The following DNAI2 variants were observed in gnomAD, a reference collection of about 807,000 sequenced individuals.
DNAI2 encodes dynein, axonemal, intermediate polypeptide 2.
DNAI2 carries 63 observed loss-of-function variants against 74.7 expected under a neutral mutation model. That is an observed-to-expected ratio of 0.84 (90% CI 0.69 to 1.04). The LOEUF is 1.04. DNAI2 is among the 50% of genes least tolerant of loss of function. DNAI2 has a pLI of 0.00. For synonymous variants in DNAI2, 289 were observed against 314.9 expected, an observed-to-expected ratio of 0.92 and a Z score of 0.87; for missense variants, 688 against 803.2, an observed-to-expected ratio of 0.86 and a Z score of 1.73.
Position 74,284,997 on chromosome 17 carries a change from G to T in DNAI2, c.184-43G>T, listed in dbSNP as rs750326519. ...TGCAGAAGTGGCCGAGGGTTTGGGA[G>T]TATACCAGGGTGACGTCTTCCCTCC... is the stretch of plus-strand genomic sequence containing the variant. On this transcript the variant is annotated intron_variant, in intron 2 of 13. Coordinates refer to ENST00000311014, the MANE Select transcript of DNAI2 (RefSeq NM_023036.6). The T allele has an allele frequency of 9.9e-6, 16 of 1,613,250 alleles. No homozygotes were observed. The Admixed American group carries it at 2.7e-4, about 27-fold the overall frequency.
At chr17:74,278,773 C>CA (rs1292874206) in intron 1 of DNAI2, among the ~76,000 whole-genome samples, 6 of 146,938 alleles carry the variant, frequency 4.1e-5, no homozygotes, top group Admixed American at 6.8e-5. Flanking sequence ...GATTCCATCT[C>CA]AAAAAAAAAG....
chr17:74,303,785 A>G (rs2053001349), intron 8 of DNAI2, among the ~76,000 whole-genome samples: 2 of 152,094 alleles, frequency 1.3e-5, no homozygotes, highest in Non-Finnish European at 2.9e-5. Flanking sequence ...TTCTGGTAGA[A>G]GAAAACTGCA....
At chr17:74,307,699 A>AT (rs148187994) in intron 9 of DNAI2, among the ~76,000 whole-genome samples, 5 of 151,000 alleles carry the variant, frequency 3.3e-5, no homozygotes, top group African/African-American at 1.2e-4. Flanking sequence ...TTAAATCTGA[A>AT]TTTTAAAAAA....
chr17:74,311,144 G>A (rs2060937003), intron 11 of DNAI2, among the ~76,000 whole-genome samples: 1 of 152,190 alleles, frequency 6.6e-6, no homozygotes, highest in African/African-American at 2.4e-5. Flanking sequence ...AAACTGCTGG[G>A]ATTATAGGCA....
Position 74,305,270 on chromosome 17 carries a change from C to G in DNAI2, c.1039C>G (p.Arg347Gly), listed in dbSNP as rs774602317. The stretch of plus-strand genomic sequence containing the variant: ...GCAGGGCATCGTCATCTCCTGCAAC[C>G]GCAAGGCCAAGACGTCAGCTGAAAA... ...TEQGIVISCN[R>G]KAKTSAEKIV... Residue 347 changes from arginine to glycine, a missense_variant, in exon 9 of 14, where the codon CGC becomes GGC. Arg to Gly is a moderately radical substitution (Grantham distance 125). Coordinates refer to ENST00000311014, the MANE Select transcript of DNAI2 (RefSeq NM_023036.6). The G allele has an allele frequency of 6.2e-7, 1 of 1,614,220 alleles. No individual in the cohort carries two copies. Among genetic ancestry groups the G allele is most frequent in the South Asian group, 1.1e-5 (1 of 91,076 alleles).
intron 1 of DNAI2, among the ~76,000 whole-genome samples, chr17:74,277,848 C>CA (rs1303066358): frequency 1.3e-5 from 2 of 152,214 alleles, no homozygotes; most frequent in Non-Finnish European, 2.9e-5. Flanking sequence ...GTTTCAGAAA[C>CA]GCTGGTTGAG....
chr17:74,313,613 A>G (rs553472139), intron 12 of DNAI2, among the ~76,000 whole-genome samples: 1 of 152,322 alleles, frequency 6.6e-6, no homozygotes, highest in Admixed American at 6.5e-5. Context: ...TACATGAAGA[A>G]GTTGAGCCTT....
At chr17:74,282,804 C>T (rs1431866246) in intron 2 of DNAI2, among the ~76,000 whole-genome samples, 1 of 152,248 alleles carries the variant, frequency 6.6e-6, no homozygotes, top group African/African-American at 2.4e-5. Flanking sequence ...AGGTCAACAA[C>T]TGCTGAGATA....
intron 4 of DNAI2, 140 bp downstream of exon 4, chr17:74,287,238 A>G: frequency 7.3e-7 from 1 of 1,369,566 alleles, no homozygotes; most frequent in East Asian, 2.5e-5. Context: ...TGACGTGGTG[A>G]TAAGTCACCC....
chr17:74,297,157 C>T (rs1398343394), intron 6 of DNAI2, among the ~76,000 whole-genome samples: 1 of 152,156 alleles, frequency 6.6e-6, no homozygotes, highest in East Asian at 1.9e-4. Context: ...ACGATCTTGG[C>T]TCACTGCAAG....
At chr17:74,286,295 CAA>C (rs2051723710) in intron 3 of DNAI2, among the ~76,000 whole-genome samples, 1 of 50,068 alleles carries the variant, frequency 2.0e-5, no homozygotes, top group Admixed American at 2.3e-4. Flanking sequence ...GACTGTGTCT[CAA>C]AATAATAATA....
intron 1 of DNAI2, among the ~76,000 whole-genome samples, chr17:74,277,085 C>G (rs1309159971): frequency 6.6e-6 from 1 of 152,136 alleles, no homozygotes; most frequent in African/African-American, 2.4e-5. Flanking sequence ...TTCCAAACTA[C>G]AAGAAAGAGA....
intron 9 of DNAI2, among the ~76,000 whole-genome samples, chr17:74,308,646 C>T (rs1354378668): frequency 2.0e-5 from 3 of 152,272 alleles, no homozygotes; most frequent in South Asian, 2.1e-4. Flanking sequence ...CTCAGCCTCC[C>T]GAGGAGCTGG....
chr17:74,287,718 G>T (rs781259491), intron 4 of DNAI2, among the ~76,000 whole-genome samples: 2 of 152,234 alleles, frequency 1.3e-5, no homozygotes, highest in Non-Finnish European at 2.9e-5. Context: ...ACTTTGGGAG[G>T]CCAAGGCGGG....
intron 4 of DNAI2, among the ~76,000 whole-genome samples, chr17:74,287,845 C>T (rs28612762): frequency 0.11 from 17,484 of 152,086 alleles, 1,873 homozygotes; most frequent in African/African-American, 0.29. Context: ...ATCCCAGCTA[C>T]TCGGGATGCT....
At chr17:74,280,014 A>G (rs1312921254) in intron 1 of DNAI2, among the ~76,000 whole-genome samples, 1 of 152,278 alleles carries the variant, frequency 6.6e-6, no homozygotes, top group South Asian at 2.1e-4. Context: ...CAAAGGCACA[A>G]TTTCTGAAAG....
chr17:74,279,705 T>C (rs1425807698), intron 1 of DNAI2, among the ~76,000 whole-genome samples: 2 of 152,154 alleles, frequency 1.3e-5, no homozygotes, highest in African/African-American at 4.8e-5. Flanking sequence ...TTTTTGGTAT[T>C]TTTAGTAGAG....
In DNAI2 at chr17:74,314,061, G is replaced by A; in HGVS notation, c.1723-60G>A. On this transcript the variant is annotated intron_variant, in intron 12 of 13. Coordinates refer to ENST00000311014, the MANE Select transcript of DNAI2 (RefSeq NM_023036.6). ...GTCCTCGTGGGGTTCACATCCCAGGGGAGTGGGGAAGGCCTGTCCCCTACC... is the reference window on the plus strand; with the variant it reads ...GTCCTCGTGGGGTTCACATCCCAGGAGAGTGGGGAAGGCCTGTCCCCTACC... 3.7e-6 allele frequency: 6 copies of A among 1,612,156 alleles called. No homozygotes were observed. In the South Asian group the frequency reaches 6.6e-5, roughly 18 times the overall value.
intron 3 of DNAI2, among the ~76,000 whole-genome samples, chr17:74,285,970 T>TATATAGAG (rs1292164464): frequency 4.1e-5 from 6 of 146,830 alleles, no homozygotes; most frequent in East Asian, 4.0e-4. Flanking sequence ...TATATATATA[T>TATATAGAG]AGAGAGAGAG....
Sources: gnomAD v4.1 joint callset for allele counts (sites outside exome capture counted in the v4.1 genomes callset) on GRCh38, gnomAD v4.1.1 for gene constraint, MANE v1.5 for transcripts, NCBI Gene and HGNC (gene_info 2026-07-23, HGNC 2026-07-21) for gene names.